DIS3L2: variants seen among roughly 807,000 people sequenced by gnomAD.
The protein encoded by DIS3L2 is DIS3-like exonuclease 2.
A neutral mutation model predicts 97.5 loss-of-function variants in DIS3L2; 34 were observed. That is an observed-to-expected ratio of 0.35 (90% CI 0.27 to 0.46). The LOEUF is 0.46. Ranked by LOEUF, DIS3L2 falls within the 20% of genes least tolerant of loss-of-function variation. The pLI is 1.00. For synonymous variants in DIS3L2, 435 were observed against 445.2 expected, an observed-to-expected ratio of 0.98 and a Z score of 0.29; for missense variants, 1,038 against 1,146.0, an observed-to-expected ratio of 0.91 and a Z score of 1.36.
intron 6 of DIS3L2, among the ~76,000 whole-genome samples, chr2:232,097,084 A>G (rs1259097317): frequency 6.6e-6 from 1 of 152,148 alleles, no homozygotes; most frequent in African/African-American, 2.4e-5. Context: ...CAGGTATTCA[A>G]AAGGATTTGT....
At chr2:232,021,296 A>G (rs899544578) in intron 3 of DIS3L2, among the ~76,000 whole-genome samples, 11 of 152,160 alleles carry the variant, frequency 7.2e-5, no homozygotes, top group African/African-American at 1.2e-4. Flanking sequence ...TTAGGTGGCT[A>G]GAGAAGGGAG....
At chr2:232,166,749 G>A (rs905324218) in intron 9 of DIS3L2, among the ~76,000 whole-genome samples, 2 of 151,944 alleles carry the variant, frequency 1.3e-5, no homozygotes. Flanking sequence ...GGCTGGGCAC[G>A]GTGGCTCACA....
chr2:232,329,996 T>C lies in DIS3L2; in HGVS notation c.1923T>C (p.Asn641=), dbSNP rs775814377. The C allele has an allele frequency of 3.6e-5, 58 of 1,605,968 alleles. No homozygotes were observed. The highest frequency in any genetic ancestry group is 6.7e-5 in the Admixed American group (4 of 59,434). ...PVDFSSAGAL[N]KSLTQTFGDD... is the part of the protein sequence containing the mutation. ...ACTTCAGCTCCGCAGGAGCCCTCAA[T>C]GTGAGTGGTGGGCAGGATTCGGGGG... is the stretch of plus-strand genomic sequence containing the variant. Residue 641 remains asparagine, a splice_region_variant and synonymous_variant, in exon 15 of 21, where the codon AAT becomes AAC. Transcript: ENST00000325385.
chr2:232,311,348 A>AT (rs1469237935), intron 14 of DIS3L2, among the ~76,000 whole-genome samples: 2 of 152,246 alleles, frequency 1.3e-5, no homozygotes, highest in Non-Finnish European at 2.9e-5. Flanking sequence ...TTACTTCTGA[A>AT]TTATGACATG....
intron 5 of DIS3L2, among the ~76,000 whole-genome samples, chr2:232,054,566 A>G (rs569233990): frequency 2.0e-5 from 3 of 152,130 alleles, no homozygotes; most frequent in Non-Finnish European, 4.4e-5. Context: ...TTAAAGTATG[A>G]TTTTTGTCAT....
chr2:232,188,072 G>A (rs1297933662), intron 9 of DIS3L2, among the ~76,000 whole-genome samples: 5 of 152,060 alleles, frequency 3.3e-5, no homozygotes, highest in African/African-American at 1.2e-4. Context: ...CCTGGGAGGC[G>A]GAGGTTGCAA....
intron 14 of DIS3L2, among the ~76,000 whole-genome samples, chr2:232,306,419 G>A (rs1168946299): frequency 3.3e-5 from 5 of 152,006 alleles, no homozygotes; most frequent in African/African-American, 1.2e-4. Flanking sequence ...TGATACTCCC[G>A]GCCCCCAGTT....
intron 1 of DIS3L2, among the ~76,000 whole-genome samples, chr2:231,998,278 C>T (rs1016566096): frequency 6.6e-6 from 1 of 152,112 alleles, no homozygotes; most frequent in Non-Finnish European, 1.5e-5. Flanking sequence ...GGCATAAGGG[C>T]AAGAGAGCAA....
At chr2:232,183,859 A>G (rs1691360570) in intron 9 of DIS3L2, among the ~76,000 whole-genome samples, 1 of 152,180 alleles carries the variant, frequency 6.6e-6, no homozygotes, top group South Asian at 2.1e-4. Context: ...GGATAGGTCA[A>G]ATAATGACAT....
chr2:232,282,732 T>G (rs955713178), intron 13 of DIS3L2, among the ~76,000 whole-genome samples: 1 of 152,196 alleles, frequency 6.6e-6, no homozygotes, highest in Non-Finnish European at 1.5e-5. Context: ...CACTGGCCCC[T>G]TCTCTGTGCT....
chr2:232,322,033 G>A (rs1479361184), intron 14 of DIS3L2, among the ~76,000 whole-genome samples: 6 of 152,184 alleles, frequency 3.9e-5, no homozygotes, highest in Non-Finnish European at 8.8e-5. Context: ...TCTGGCAGAG[G>A]GGAGGAGGCG....
At chr2:232,270,286 C>G (rs546926883) in intron 13 of DIS3L2, among the ~76,000 whole-genome samples, 2 of 152,190 alleles carry the variant, frequency 1.3e-5, no homozygotes, top group East Asian at 3.9e-4. Flanking sequence ...TCATAATCAC[C>G]TATAGTCCCA....
chr2:232,085,875 T>C (rs897232899), intron 5 of DIS3L2, among the ~76,000 whole-genome samples: 18 of 152,084 alleles, frequency 1.2e-4, no homozygotes, highest in African/African-American at 4.1e-4. Context: ...GGCGTGATCA[T>C]AGCTTACTGT....
At chr2:231,985,473 A>G (rs1383914019) in intron 1 of DIS3L2, among the ~76,000 whole-genome samples, 1 of 152,178 alleles carries the variant, frequency 6.6e-6, no homozygotes, top group Non-Finnish European at 1.5e-5. Flanking sequence ...TTGCTTAACC[A>G]TTCATCTGTT....
intron 9 of DIS3L2, among the ~76,000 whole-genome samples, chr2:232,192,505 G>C (rs1691641243): frequency 6.6e-6 from 1 of 152,174 alleles, no homozygotes; most frequent in Non-Finnish European, 1.5e-5. Flanking sequence ...ATAGAAGTTA[G>C]AGCCTGTCTT....
At chr2:232,272,229 G>C (rs7598284) in intron 13 of DIS3L2, among the ~76,000 whole-genome samples, 12,851 of 152,226 alleles carry the variant, frequency 0.084, 710 homozygotes, top group African/African-American at 0.16. Flanking sequence ...GGTGATATCC[G>C]ACCAGTACAG....
chr2:232,168,208 C>T (rs149436477), intron 9 of DIS3L2, among the ~76,000 whole-genome samples: 5 of 152,102 alleles, frequency 3.3e-5, no homozygotes, highest in South Asian at 2.1e-4. Context: ...CTTTAAAATT[C>T]GAGTATGTTA....
At chr2:232,322,861 CCTT>C (rs1282561788) in intron 14 of DIS3L2, among the ~76,000 whole-genome samples, 1 of 152,200 alleles carries the variant, frequency 6.6e-6, no homozygotes, top group Non-Finnish European at 1.5e-5. Context: ...GAAGTCGATG[CCTT>C]CTTAAGTCTG....
chr2:231,967,049 G>T (rs1180183487), intron 1 of DIS3L2, among the ~76,000 whole-genome samples: 2 of 152,128 alleles, frequency 1.3e-5, no homozygotes, highest in Non-Finnish European at 2.9e-5. Flanking sequence ...ATAACAGGCT[G>T]CCTCTGGGAT....
Sources: allele counts gnomAD v4.1 joint callset (sites outside exome capture counted in the v4.1 genomes callset), GRCh38; gene constraint gnomAD v4.1.1; transcripts MANE v1.5; gene names NCBI Gene and HGNC (gene_info 2026-07-23, HGNC 2026-07-21).